Variants in RBFOX2 observed in about 807,000 individuals in gnomAD.
RBFOX2 encodes the protein RNA binding protein fox-1 homolog 2.
RBFOX2 carries 10 observed loss-of-function variants against 49.1 expected under a neutral mutation model. The ratio of observed to expected loss-of-function variants is 0.20; its 90% CI spans 0.13 to 0.35. RBFOX2 has a LOEUF of 0.35. RBFOX2 is among the 10% of genes least tolerant of loss of function. RBFOX2 has a pLI of 1.00. For synonymous variants in RBFOX2, 183 were observed against 187.4 expected, an observed-to-expected ratio of 0.98 and a Z score of 0.19; for missense variants, 323 against 486.9, an observed-to-expected ratio of 0.66 and a Z score of 3.17.
chr22:35,874,255 TG>T lies in RBFOX2; in HGVS notation c.-33-64252del, dbSNP rs2044730803. Among the ~76,000 whole-genome samples, 3 of 152,244 alleles carry T rather than the reference TG, an allele frequency of 2.0e-5. No homozygotes were observed. In the East Asian group the frequency reaches 5.8e-4, roughly 29 times the overall value. ...TCAAACACGCAACAAAGGTAAGGCA[TG>T]TACAAGGCAATGTAAAAGGTACAAA... On this transcript the variant is annotated intron_variant, in intron 1 of 13. Coordinates refer to the RBFOX2 transcript ENST00000359369.
At chr22:35,746,429 C>T in intron 10 of RBFOX2, 44 bp downstream of exon 12, 2 of 1,441,696 alleles carry the variant, frequency 1.4e-6, no homozygotes, top group South Asian at 1.3e-5. Context: ...TGGGATGGAA[C>T]AGCTCTCATG....
intron 1 of RBFOX2, chr22:35,897,545 T>C: frequency 2.3e-6 from 2 of 858,302 alleles, no homozygotes; most frequent in South Asian, 1.3e-5. Context: ...AGTACCCCTT[T>C]GCTGTGAGCC....
chr22:35,929,148 T>G (rs1361541060), intron 1 of RBFOX2, among the ~76,000 whole-genome samples: 1 of 151,920 alleles, frequency 6.6e-6, no homozygotes, highest in Non-Finnish European at 1.5e-5. Context: ...TTATTTATTT[T>G]ATTTTTGTAT....
intron 1 of RBFOX2, among the ~76,000 whole-genome samples, chr22:35,921,945 TC>T (rs2051074375): frequency 6.6e-6 from 1 of 152,040 alleles, no homozygotes; most frequent in African/African-American, 2.4e-5. Flanking sequence ...CTCCCTTTTC[TC>T]CTCCCACCCT....
intron 1 of RBFOX2, among the ~76,000 whole-genome samples, chr22:35,954,310 C>G (rs2055302538): frequency 6.6e-6 from 1 of 152,138 alleles, no homozygotes; most frequent in Non-Finnish European, 1.5e-5. Context: ...AAACAATATA[C>G]ATAAAGCTCT....
In RBFOX2 at chr22:35,768,361, G is replaced by A. The variant is rs1941653399; in HGVS notation, c.454-12C>T. On this transcript the variant is annotated splice_polypyrimidine_tract_variant and intron_variant, in intron 4 of 11. Coordinates refer to ENST00000405409, the Ensembl canonical transcript of RBFOX2. The stretch of plus-strand genomic sequence containing the variant: ...ACGAACCCGAATCCCTGCATGCAGC[G>A]GGAGAAGGGGGGAAAACATGCACAT... 8.1e-6 allele frequency: 13 copies of A among 1,604,048 alleles called. No homozygotes were observed. The highest frequency in any genetic ancestry group is 1.0e-5 in the Non-Finnish European group (12 of 1,171,162).
chr22:35,750,889 G>A (rs942985328), intron 9 of RBFOX2, among the ~76,000 whole-genome samples: 3 of 152,134 alleles, frequency 2.0e-5, no homozygotes, highest in Non-Finnish European at 4.4e-5. Context: ...CTTCTTCAAA[G>A]GAAAATGCCT....
intron 1 of RBFOX2, among the ~76,000 whole-genome samples, chr22:36,014,839 A>G (rs1407995843): frequency 6.6e-6 from 1 of 152,200 alleles, no homozygotes; most frequent in Admixed American, 6.5e-5. Context: ...AGTCCCTGAT[A>G]AGCGCCTCTC....
At chr22:35,886,727 T>C (rs571413405) in intron 1 of RBFOX2, among the ~76,000 whole-genome samples, 3 of 152,328 alleles carry the variant, frequency 2.0e-5, no homozygotes, top group East Asian at 1.9e-4. Context: ...CACCGTAAGA[T>C]TGAACTGCAT....
rs558752240 is a variant in RBFOX2 at position 35,805,269 on chromosome 22, G to A, written c.252+4511C>T. Among the ~76,000 whole-genome samples, 366 of 125,238 alleles carry A rather than the reference G, an allele frequency of 2.9e-3. 3 individuals are homozygous for A. The highest frequency in any genetic ancestry group is 0.011 in the African/African-American group (352 of 31,736). The allele number at this position is 125,238 out of a possible 152,430, so 82.2% of individuals were successfully genotyped here. A position where few individuals can be genotyped will look rare whatever the true frequency, so the allele number is the denominator to read the frequency against. ...CGCGCCACTGCACTCCAGCCTGGGC[G>A]ACAGAGCGAGACTCCGTCTCAAAAA... is the stretch of plus-strand genomic sequence containing the variant. On this transcript the variant is annotated intron_variant, in intron 2 of 11. Transcript: ENST00000405409.
chr22:35,816,808 T>C (rs1208886599), intron 1 of RBFOX2, among the ~76,000 whole-genome samples: 2 of 152,212 alleles, frequency 1.3e-5, no homozygotes, highest in Non-Finnish European at 2.9e-5. Flanking sequence ...GACACACCCA[T>C]TCCTGCTTCA....
intron 1 of RBFOX2, among the ~76,000 whole-genome samples, chr22:35,952,775 A>G (rs555217122): frequency 1.1e-4 from 16 of 152,274 alleles, no homozygotes; most frequent in African/African-American, 3.1e-4. Context: ...TGGAAAAGAG[A>G]TTGGCAGTTC....
chr22:35,920,143 G>A (rs2050870601), intron 1 of RBFOX2, among the ~76,000 whole-genome samples: 1 of 152,244 alleles, frequency 6.6e-6, no homozygotes, highest in Non-Finnish European at 1.5e-5. Context: ...ATTTGGCCAA[G>A]TTACTTTAAA....
exon 12 of RBFOX2, chr22:35,740,442 G>A (rs1467649902): frequency 6.6e-6 from 1 of 152,596 alleles, no homozygotes; most frequent in Non-Finnish European, 1.5e-5. Context: ...TACGTCTGAT[G>A]TTCACCTTGC....
chr22:35,971,378 T>C (rs2056861834), intron 1 of RBFOX2, among the ~76,000 whole-genome samples: 1 of 152,012 alleles, frequency 6.6e-6, no homozygotes, highest in Admixed American at 6.5e-5. Flanking sequence ...AAATGAAAAA[T>C]AAAGAGTGGC....
intron 1 of RBFOX2, among the ~76,000 whole-genome samples, chr22:35,839,257 G>T (rs1230604752): frequency 1.3e-5 from 2 of 152,220 alleles, no homozygotes; most frequent in African/African-American, 4.8e-5. Flanking sequence ...CGTACAGAAG[G>T]ATGCTAACAA....
exon 1 of RBFOX2, chr22:36,028,283 G>A (rs980119542): frequency 6.5e-7 from 1 of 1,534,910 alleles, no homozygotes; most frequent in South Asian, 1.2e-5. Flanking sequence ...CTCAGTGCGC[G>A]GCCGCTTGCT....
At chr22:35,888,588 C>A (rs1311915839) in intron 1 of RBFOX2, among the ~76,000 whole-genome samples, 9 of 152,160 alleles carry the variant, frequency 5.9e-5, no homozygotes, top group Admixed American at 1.3e-4. Flanking sequence ...GGCACTGGCA[C>A]CTGCATCTGG....
At chr22:35,746,372 TAA>T in intron 10 of RBFOX2, 99 bp downstream of exon 12, 1 of 1,108,484 alleles carries the variant, frequency 9.0e-7, no homozygotes, top group Non-Finnish European at 1.3e-6. Flanking sequence ...CCCGATGTGC[TAA>T]GAGCTGCTGT....
Sources: gnomAD v4.1 joint callset for allele counts (sites outside exome capture counted in the v4.1 genomes callset) on GRCh38, gnomAD v4.1.1 for gene constraint, MANE v1.5 for transcripts, NCBI Gene and HGNC (gene_info 2026-07-23, HGNC 2026-07-21) for gene names.